The following TRAF2 variants were observed in gnomAD, a reference collection of about 807,000 sequenced individuals.
TRAF2 encodes the protein TNF receptor-associated factor 2.
A neutral mutation model predicts 55.6 loss-of-function variants in TRAF2; 6 were observed. That is an observed-to-expected ratio of 0.11 (90% CI 0.06 to 0.21). The LOEUF (loss-of-function observed/expected upper bound fraction) is 0.21. TRAF2 is among the 10% of genes least tolerant of loss of function. The probability of loss-of-function intolerance (pLI) is 1.00; values close to 1 mark genes in which losing one functional copy is unlikely to be tolerated. For synonymous variants in TRAF2, 329 were observed against 276.3 expected (o/e 1.19, Z -1.89); for missense variants, 561 against 684.5 (o/e 0.82, Z 2.01).
At chr9:136,903,636 T>C (rs1479164208) in intron 4 of TRAF2, among the ~76,000 whole-genome samples, 1 of 151,952 alleles carries the variant, frequency 6.6e-6, no homozygotes, top group Non-Finnish European at 1.5e-5. Flanking sequence ...CTGGTCCCAC[T>C]GGAGATTTCA....
chr9:136,908,237 T>TG lies in TRAF2; in HGVS notation c.528+10dup, dbSNP rs763862549. The TG allele has an allele frequency of 1.1e-5, 17 of 1,569,014 alleles. No homozygotes were observed. The highest frequency in any genetic ancestry group is 1.7e-4 in the Middle Eastern group (1 of 5,822). ...GCTGCGGAGCAGACGTGAAGGTGCG[T>TG]GGGGTGGAGCAGCAGCCTGTGTGGC... On this transcript the variant is annotated splice_region_variant and intron_variant, in intron 5 of 10. Coordinates refer to ENST00000247668, the MANE Select transcript of TRAF2 (RefSeq NM_021138.4).
In TRAF2 at chr9:136,887,265, G is replaced by C. The variant is rs1849475061; in HGVS notation, c.-29+724G>C. The stretch of plus-strand genomic sequence containing the variant: ...GGGGATGTTTGTGGAAGGTAGAGCC[G>C]AGAAAAAGAGGAGTTGCAATGTCTG... On this transcript the variant is annotated intron_variant, in intron 1 of 10. Transcript: ENST00000247668. Among the ~76,000 whole-genome samples the C allele has an allele frequency of 2.6e-5, 4 of 152,232 alleles. No individual in the cohort carries two copies. In the South Asian group the frequency reaches 8.3e-4, roughly 31 times the overall value.
chr9:136,884,945 T>G (rs1050970090), upstream of TRAF2, among the ~76,000 whole-genome samples: 1 of 152,226 alleles, frequency 6.6e-6, no homozygotes, highest in Non-Finnish European at 1.5e-5. Context: ...CTTCTTACGT[T>G]TGAGAGCTCA....
chr9:136,925,419 C>T (rs1186856224), intron 10 of TRAF2, among the ~76,000 whole-genome samples: 2 of 152,218 alleles, frequency 1.3e-5, no homozygotes, highest in East Asian at 3.8e-4. Flanking sequence ...GTCTAGGACT[C>T]CAGATGTCAG....
chr9:136,921,419 G>A (rs1035731313), intron 9 of TRAF2, among the ~76,000 whole-genome samples: 3 of 152,050 alleles, frequency 2.0e-5, no homozygotes, highest in Non-Finnish European at 4.4e-5. Flanking sequence ...GGCAGGGGTC[G>A]GGGTAGGGGG....
intron 9 of TRAF2, among the ~76,000 whole-genome samples, chr9:136,921,494 G>A (rs2131331767): frequency 6.6e-6 from 1 of 152,062 alleles, no homozygotes; most frequent in African/African-American, 2.4e-5. Flanking sequence ...CCACAGCCTG[G>A]TCCTCTGGCA....
intron 6 of TRAF2, among the ~76,000 whole-genome samples, 186 bp from the exon 7 acceptor site, chr9:136,916,355 G>A (rs931149631): frequency 1.3e-5 from 2 of 152,142 alleles, no homozygotes; most frequent in Non-Finnish European, 2.9e-5. Flanking sequence ...ATGTTTGCAC[G>A]TGTGTGTGCA....
At chr9:136,905,702 C>T (rs556965450) in intron 4 of TRAF2, among the ~76,000 whole-genome samples, 31 of 152,318 alleles carry the variant, frequency 2.0e-4, no homozygotes, top group Admixed American at 1.4e-3. Context: ...TCCCAAAAGA[C>T]GTGTTTAACT....
intron 6 of TRAF2, among the ~76,000 whole-genome samples, chr9:136,910,777 T>G (rs1299742485): frequency 6.6e-6 from 1 of 152,216 alleles, no homozygotes; most frequent in African/African-American, 2.4e-5. Context: ...TGTTTAAATA[T>G]AGGTCACAGC....
chr9:136,919,403 G>A (rs7048940), intron 7 of TRAF2, among the ~76,000 whole-genome samples: 116,412 of 149,164 alleles, frequency 0.78, 45,816 homozygotes, highest in African/African-American at 0.89. Flanking sequence ...GGTTCAAACA[G>A]TTCTGCCTCA....
At position 136,898,756 on chromosome 9, in the gene TRAF2, G is replaced by A. The variant is rs561210418; in HGVS notation, c.16G>A (p.Val6Met). The A allele has an allele frequency of 1.9e-6, 3 of 1,613,460 alleles. No individual in the cohort carries two copies. Among genetic ancestry groups the A allele is most frequent in the Non-Finnish European group, 2.5e-6 (3 of 1,180,014 alleles). The change falls in exon 2 of 11, where the codon GTG (valine) becomes ATG (methionine). Residue 6 changes from valine to methionine, a missense_variant. By Grantham distance (21) the Val-to-Met change is conservative. This residue lies in a region of TRAF2 where 426 missense variants were observed against 476.8 expected (regional missense o/e 0.89). Transcript: ENST00000247668. MAAASVTPPGSLELLQ... is the reference protein window; with the variant it reads MAAASMTPPGSLELLQ... ...CACAGCTCTCATGGCTGCAGCTAGC[G>A]TGACCCCCCCTGGCTCCCTGGAGTT...
At chr9:136,908,592 T>G (rs1850015942) in intron 5 of TRAF2, among the ~76,000 whole-genome samples, 1 of 146,164 alleles carries the variant, frequency 6.8e-6, no homozygotes, top group Non-Finnish European at 1.5e-5. Context: ...AGTGGCCAGG[T>G]GCGGCGGTTC....
At chr9:136,905,724 CAG>C (rs1489402034) in intron 4 of TRAF2, among the ~76,000 whole-genome samples, 1 of 152,168 alleles carries the variant, frequency 6.6e-6, no homozygotes, top group Non-Finnish European at 1.5e-5. Context: ...TGGCCAGGCA[CAG>C]GGGCTCATGC....
At chr9:136,882,577 T>C (rs1849387190), upstream of TRAF2, 1 of 775,070 alleles carries the variant, frequency 1.3e-6, no homozygotes. Flanking sequence ...GAGAGGGTGC[T>C]GGGGCTTCTC....
intron 4 of TRAF2, among the ~76,000 whole-genome samples, chr9:136,902,689 A>AT (rs1299821663): frequency 1.3e-5 from 2 of 152,110 alleles, no homozygotes; most frequent in Non-Finnish European, 2.9e-5. Flanking sequence ...GATTTTGTTG[A>AT]TAAAACCTCT....
At chr9:136,890,277 T>C (rs1849554810) in intron 1 of TRAF2, 1 of 152,272 alleles carries the variant, frequency 6.6e-6, no homozygotes, top group Admixed American at 6.5e-5. Context: ...ACTTAGCTGA[T>C]AGAATTGGGA....
chr9:136,899,610 T>C lies in TRAF2; in HGVS notation c.205T>C (p.Cys69Arg). The change falls in exon 3 of 11, where the codon TGT (cysteine) becomes CGT (arginine). Residue 69 changes from cysteine (C) to arginine (R), a missense_variant. Around this residue, in one of 2 missense-constraint regions of TRAF2, gnomAD observed 426 missense variants for 476.8 expected, o/e 0.89. Transcript: ENST00000247668. ...CCCCACTAGCTCTGGGCCTCAGAAC[T>C]GTGCTGCCTGTGTTCACGAGGGCAT... Reference protein sequence around the residue: ...ASILSSGPQNCAACVHEGIYE... With the variant: ...ASILSSGPQNRAACVHEGIYE... 6.2e-7 allele frequency: 1 copy of C among 1,612,688 alleles called. No individual in the cohort carries two copies. The highest frequency in any genetic ancestry group is 8.5e-7 in the Non-Finnish European group (1 of 1,178,936).
At chr9:136,888,159 C>T (rs1849495989) in intron 1 of TRAF2, among the ~76,000 whole-genome samples, 1 of 152,232 alleles carries the variant, frequency 6.6e-6, no homozygotes, top group South Asian at 2.1e-4. Flanking sequence ...GCATGAGCCA[C>T]CGCGCCCGGC....
upstream of TRAF2, chr9:136,881,967 C>A (rs1306131753): frequency 2.3e-5 from 23 of 985,320 alleles, no homozygotes; most frequent in Non-Finnish European, 2.7e-5. Flanking sequence ...CAGCACAGGG[C>A]TGACATGCAA....
Sources: allele counts gnomAD v4.1 joint callset (sites outside exome capture counted in the v4.1 genomes callset), GRCh38; gene constraint gnomAD v4.1.1; regional missense constraint gnomAD v4.1.1; transcripts MANE v1.5; gene names NCBI Gene and HGNC (gene_info 2026-07-23, HGNC 2026-07-21).